ATP6V0A4: variants seen among roughly 807,000 people sequenced by gnomAD.
The protein encoded by ATP6V0A4 is ATPase H+ transporting V0 subunit a4.
Under a neutral mutation model 107.3 loss-of-function variants are expected in ATP6V0A4, and 86 were observed. The observed-to-expected ratio is 0.80, with a 90% CI of 0.67 to 0.96. ATP6V0A4 has a LOEUF of 0.96. Among genes scored for constraint, ATP6V0A4 ranks in the 40% least tolerant of loss-of-function variants. The pLI is 0.00. For missense variants in ATP6V0A4, 908 were observed against 1,045.6 expected (o/e 0.87, Z 1.81); for synonymous variants, 353 against 381.4 (o/e 0.93, Z 0.87).
chr7:138,744,697 T>G (rs1379282876), intron 14 of ATP6V0A4, among the ~76,000 whole-genome samples: 1 of 120,942 alleles, frequency 8.3e-6, no homozygotes, highest in Non-Finnish European at 1.7e-5. Context: ...CACTTGGCTA[T>G]TTTTTCTTTT....
At chr7:138,755,908 G>T in intron 9 of ATP6V0A4, 126 bp from the exon 10 acceptor site, 1 of 1,513,424 alleles carries the variant, frequency 6.6e-7, no homozygotes, top group Non-Finnish European at 8.9e-7. Flanking sequence ...GAATAACTGC[G>T]TCTTTGGCCA....
chr7:138,795,238 T>C (rs909276925), intron 1 of ATP6V0A4, among the ~76,000 whole-genome samples: 4 of 152,148 alleles, frequency 2.6e-5, no homozygotes, highest in Admixed American at 2.0e-4. Flanking sequence ...AGTTCTTCCA[T>C]CTGTAGATAG....
At position 138,756,653 on chromosome 7, in the gene ATP6V0A4, A is replaced by G. The variant is rs2117301026; in HGVS notation, c.640-113T>C. 5.1e-6 allele frequency: 7 copies of G among 1,366,878 alleles called. No homozygotes were observed. In the South Asian group the frequency reaches 7.8e-5, roughly 15 times the overall value. The allele number at this position is 1,366,878 out of a possible 1,614,324, so 84.7% of individuals were successfully genotyped here. On this transcript the variant is annotated intron_variant, in intron 8 of 21. Coordinates refer to ENST00000310018, the MANE Select transcript of ATP6V0A4 (RefSeq NM_020632.3). The stretch of plus-strand genomic sequence containing the variant: ...GGCTTACACAATTCATACATTTAAA[A>G]CTGGGAAACTGTAACTTTCCTAGTT...
intron 20 of ATP6V0A4, among the ~76,000 whole-genome samples, chr7:138,712,908 T>C (rs1192040537): frequency 1.3e-5 from 2 of 152,108 alleles, no homozygotes; most frequent in Non-Finnish European, 1.5e-5. Flanking sequence ...CACCACTGAC[T>C]GCACGAAGCG....
chr7:138,721,763 G>T, intron 19 of ATP6V0A4, 134 bp downstream of exon 19: 1 of 998,542 alleles, frequency 1.0e-6, no homozygotes, highest in Non-Finnish European at 1.5e-6. Context: ...GACCTTCACA[G>T]CTTCCCAGGA....
In ATP6V0A4 at chr7:138,765,515, T is replaced by G. The variant is rs369962284; in HGVS notation, c.292-2490A>C. 2.6e-5 allele frequency among the ~76,000 whole-genome samples: 4 copies of G among 152,274 alleles called. 1 individual carries two copies. Among genetic ancestry groups the G allele is most frequent in the Admixed American group, 6.5e-5 (1 of 15,300 alleles). ...GGATGGTGGTTTTTTCCCTCCCCCC[T>G]GAATTAGTATTTCCTCTAGGACTGT... On this transcript the variant is annotated intron_variant, in intron 5 of 21. Coordinates refer to ENST00000310018, the MANE Select transcript of ATP6V0A4 (RefSeq NM_020632.3).
intron 12 of ATP6V0A4, among the ~76,000 whole-genome samples, chr7:138,748,238 C>T (rs430262): frequency 0.53 from 80,741 of 151,690 alleles, 22,159 homozygotes; most frequent in African/African-American, 0.64. Context: ...TGTCTGTTTC[C>T]CCACCATTCA....
chr7:138,745,026 C>G, intron 14 of ATP6V0A4, 97 bp downstream of exon 14: 2 of 1,147,712 alleles, frequency 1.7e-6, no homozygotes, highest in Non-Finnish European at 2.6e-6. Flanking sequence ...AAGTGCACCT[C>G]TGAGTAGACC....
intron 2 of ATP6V0A4, among the ~76,000 whole-genome samples, chr7:138,782,270 G>GA (rs767032372): frequency 1.3e-4 from 20 of 152,202 alleles, no homozygotes; most frequent in Admixed American, 2.6e-4. Flanking sequence ...TTGGCTTGGA[G>GA]AAGCATCACT....
chr7:138,745,109 G>C lies in ATP6V0A4; in HGVS notation c.1478+14C>G, dbSNP rs747833672. 3.7e-6 allele frequency: 6 copies of C among 1,606,552 alleles called. No individual in the cohort carries two copies. The highest frequency in any genetic ancestry group is 8.5e-7 in the Non-Finnish European group (1 of 1,173,224). On this transcript the variant is annotated intron_variant, in intron 14 of 21. Coordinates refer to ENST00000310018, the MANE Select transcript of ATP6V0A4 (RefSeq NM_020632.3). ...GATGGCCAGCGACTACACCATCTCT[G>C]TCTGTCAACTCACTTCCATGTGCCG...
At chr7:138,775,450 G>A (rs981102443) in intron 2 of ATP6V0A4, among the ~76,000 whole-genome samples, 1 of 151,848 alleles carries the variant, frequency 6.6e-6, no homozygotes, top group Non-Finnish European at 1.5e-5. Context: ...CTTAATTCTA[G>A]GATTCAAGTT....
intron 19 of ATP6V0A4, among the ~76,000 whole-genome samples, chr7:138,717,215 A>C (rs1804087101): frequency 6.6e-6 from 1 of 152,074 alleles, no homozygotes; most frequent in Non-Finnish European, 1.5e-5. Context: ...CTGGAAACGG[A>C]CTCCTGAGAC....
chr7:138,733,311 A>G (rs1006289783), intron 16 of ATP6V0A4, among the ~76,000 whole-genome samples: 2 of 149,566 alleles, frequency 1.3e-5, no homozygotes, highest in African/African-American at 2.5e-5. Flanking sequence ...GCTTTTGCAC[A>G]AAAGAGTCAG....
rs566743706 is a variant in ATP6V0A4, at chr7:138,743,123, A to T, written c.1478+2000T>A. On this transcript the variant is annotated intron_variant, in intron 14 of 21. Transcript: ENST00000310018. ...TCTCTTGGAGCCTCTCTGTGCCAACATCAAGCCCTTTGAATGCCCTCAGGA... is the reference window on the plus strand; with the variant it reads ...TCTCTTGGAGCCTCTCTGTGCCAACTTCAAGCCCTTTGAATGCCCTCAGGA... Among the ~76,000 whole-genome samples, 6 of 152,250 alleles carry T rather than the reference A, an allele frequency of 3.9e-5. No homozygotes were observed. The East Asian group carries it at 1.2e-3, about 29-fold the overall frequency.
intron 18 of ATP6V0A4, among the ~76,000 whole-genome samples, chr7:138,722,430 G>A (rs893991679): frequency 2.5e-4 from 38 of 151,836 alleles, no homozygotes; most frequent in African/African-American, 6.3e-4. Flanking sequence ...TTCGGGAGGC[G>A]GAGGCTGGCA....
chr7:138,787,391 C>T (rs1476254537), intron 1 of ATP6V0A4, among the ~76,000 whole-genome samples: 1 of 152,170 alleles, frequency 6.6e-6, no homozygotes, highest in Non-Finnish European at 1.5e-5. Context: ...CATGACTCCT[C>T]CAAGGTCACA....
chr7:138,719,101 G>A lies in ATP6V0A4; in HGVS notation c.2139+2796C>T, dbSNP rs530562444. On this transcript the variant is annotated intron_variant, in intron 19 of 21. Coordinates refer to ENST00000310018, the MANE Select transcript of ATP6V0A4 (RefSeq NM_020632.3). ...CTCGGGAGGCTGAGGCAGGAAGATC[G>A]CTTGGGCTCAGGAGGTCAAGGCTGC... Among the ~76,000 whole-genome samples, 5 of 152,208 alleles carry A rather than the reference G, an allele frequency of 3.3e-5. No homozygotes were observed. The East Asian group carries it at 9.7e-4, about 29-fold the overall frequency.
chr7:138,734,982 G>A (rs1031180276), intron 15 of ATP6V0A4, among the ~76,000 whole-genome samples: 1 of 152,132 alleles, frequency 6.6e-6, no homozygotes, highest in Non-Finnish European at 1.5e-5. Context: ...TCAAGAAGCC[G>A]TTCCTGTAGC....
At chr7:138,783,582 C>T (rs758703229) in intron 2 of ATP6V0A4, among the ~76,000 whole-genome samples, 5 of 151,842 alleles carry the variant, frequency 3.3e-5, no homozygotes, top group Non-Finnish European at 7.4e-5. Context: ...AAAAATTAGC[C>T]AGGCAGAGTG....
Sources: gnomAD v4.1 joint callset for allele counts (sites outside exome capture counted in the v4.1 genomes callset) on GRCh38, gnomAD v4.1.1 for gene constraint, MANE v1.5 for transcripts, NCBI Gene and HGNC (gene_info 2026-07-23, HGNC 2026-07-21) for gene names.